Variants in MUC13 observed in about 807,000 individuals in gnomAD.
MUC13 encodes the protein mucin 13, cell surface associated, also known as mucin-13.
In MUC13, 32 loss-of-function variants were observed where a neutral mutation model predicts 48.3. That is an observed-to-expected ratio of 0.66 (90% CI 0.50 to 0.89). The LOEUF (loss-of-function observed/expected upper bound fraction) is 0.89, where lower values mean the gene tolerates loss of function less well. Among genes scored for constraint, MUC13 ranks in the 40% least tolerant of loss-of-function variants. The pLI, the probability that MUC13 is intolerant of heterozygous loss-of-function variation, is 0.00. For synonymous variants in MUC13, 199 were observed against 224.9 expected, an observed-to-expected ratio of 0.88 and a Z score of 1.03; for missense variants, 571 against 622.8, an observed-to-expected ratio of 0.92 and a Z score of 0.88.
chr3:124,908,879 C>A (rs1935369034), intron 10 of MUC13, among the ~76,000 whole-genome samples: 1 of 152,180 alleles, frequency 6.6e-6, no homozygotes. Context: ...CGAGGCTGGG[C>A]TTGGTGGCTC....
Position 124,934,726 on chromosome 3 carries a change from G to A in MUC13, c.-14C>T. On this transcript the variant is annotated 5_prime_UTR_variant, in exon 1 of 12. Transcript: ENST00000616727. ...GATGGCTTTCATTTTAGCTGTTCTT[G>A]CTTGGTAATCTGAGGAGGAAATGAT... The A allele has an allele frequency of 6.2e-7, 1 of 1,604,278 alleles. No individual in the cohort carries two copies. Among genetic ancestry groups the A allele is most frequent in the Non-Finnish European group, 8.5e-7 (1 of 1,171,424 alleles).
In MUC13 at chr3:124,905,577, AG is replaced by A. The variant is rs370051479; in HGVS notation, c.*1165del. On this transcript the variant is annotated 3_prime_UTR_variant, in exon 12 of 12. Transcript: ENST00000616727. Reference sequence around the variant, plus strand: ...AAAGGACACTAATAACATTTGTAAAAGCTTGTACTGGATGTGGTTGCCCCCA... The same window carrying A: ...AAAGGACACTAATAACATTTGTAAAACTTGTACTGGATGTGGTTGCCCCCA... The A allele has an allele frequency of 6.6e-3, 1,015 of 153,304 alleles. 20 individuals carry two copies. The highest frequency in any genetic ancestry group is 0.037 in the South Asian group (176 of 4,816). The allele number at this position is 153,304 out of a possible 1,614,324, so 9.5% of individuals were successfully genotyped here. A position where few individuals can be genotyped will look rare whatever the true frequency, so the allele number is the denominator to read the frequency against.
At chr3:124,908,727 C>T (rs1410166895) in intron 10 of MUC13, among the ~76,000 whole-genome samples, 1 of 152,206 alleles carries the variant, frequency 6.6e-6, no homozygotes, top group Non-Finnish European at 1.5e-5. Flanking sequence ...TCCAACATAA[C>T]AATCTAATTC....
rs993068001 is a variant in MUC13, at chr3:124,913,431, T to C, written c.1084+131A>G. The C allele has an allele frequency of 5.3e-6, 8 of 1,501,772 alleles. No homozygotes were observed. In the East Asian group the frequency reaches 6.9e-5, roughly 13 times the overall value. The allele number at this position is 1,501,772 out of a possible 1,614,324, so 93.0% of individuals were successfully genotyped here. A position where few individuals can be genotyped will look rare whatever the true frequency, so the allele number is the denominator to read the frequency against. ...GCAAAGGTCCCAGCCATGGTCCATATGTCTAAAGTCAGAAGTCAGATCACT... is the reference window on the plus strand; with the variant it reads ...GCAAAGGTCCCAGCCATGGTCCATACGTCTAAAGTCAGAAGTCAGATCACT... On this transcript the variant is annotated intron_variant, in intron 7 of 11. Transcript: ENST00000616727.
chr3:124,930,723 C>A (rs1411628818), intron 1 of MUC13, among the ~76,000 whole-genome samples: 1 of 152,190 alleles, frequency 6.6e-6, no homozygotes, highest in African/African-American at 2.4e-5. Flanking sequence ...CTGTCCAGGG[C>A]ACACCTATAA....
At chr3:124,910,372 C>CT in intron 10 of MUC13, 43 bp downstream of exon 10, 1 of 1,579,950 alleles carries the variant, frequency 6.3e-7, no homozygotes, top group Non-Finnish European at 8.6e-7. Context: ...CCCCATCTCT[C>CT]TATAAAAAAA....
chr3:124,913,180 T>C lies in MUC13; in HGVS notation c.1145A>G (p.Lys382Arg), dbSNP rs544699806. 4.8e-5 allele frequency: 78 copies of C among 1,614,156 alleles called. 1 individual carries two copies. In the South Asian group the frequency reaches 8.1e-4, roughly 17 times the overall value. ...NAQHKQCLIK[K>R]SGGAPECACV... ...CGCACACTCAGGGGCCCCACCACTC[T>C]TCTTTATTAAGCATTGCTTGTGCTG... Residue 382 changes from lysine to arginine, a missense_variant, in exon 8 of 12, where the codon AAG (lysine) becomes AGG (arginine). Coordinates refer to ENST00000616727, the MANE Select transcript of MUC13 (RefSeq NM_033049.4).
intron 7 of MUC13, 21 bp downstream of exon 7, chr3:124,913,541 A>G (rs774561582): frequency 6.2e-7 from 1 of 1,613,952 alleles, no homozygotes; most frequent in African/African-American, 1.3e-5. Flanking sequence ...AAGAACATTT[A>G]GAAGCAGGTG....
intron 2 of MUC13, among the ~76,000 whole-genome samples, chr3:124,926,306 T>A (rs1006811882): frequency 2.6e-5 from 4 of 152,132 alleles, no homozygotes; most frequent in Non-Finnish European, 1.5e-5. Context: ...AAGAGAGAAA[T>A]GACTTGCCCC....
chr3:124,913,035 A>G (rs754967919), intron 8 of MUC13, 76 bp downstream of exon 8: 21 of 1,566,864 alleles, frequency 1.3e-5, no homozygotes, highest in Non-Finnish European at 1.8e-5. Flanking sequence ...CTCAACACCT[A>G]TATACGTGTT....
At chr3:124,932,662 T>G (rs1560002722) in intron 1 of MUC13, among the ~76,000 whole-genome samples, 1 of 152,162 alleles carries the variant, frequency 6.6e-6, no homozygotes, top group Non-Finnish European at 1.5e-5. Context: ...TGCCAGGCAG[T>G]ATCCCGGCAC....
intron 1 of MUC13, among the ~76,000 whole-genome samples, chr3:124,932,560 C>T (rs541297590): frequency 6.0e-5 from 9 of 149,552 alleles, no homozygotes; most frequent in South Asian, 2.1e-4. Context: ...GAGTGAAACT[C>T]GGTCTCAAAA....
At chr3:124,926,588 T>C (rs1444237737) in intron 2 of MUC13, among the ~76,000 whole-genome samples, 1 of 152,098 alleles carries the variant, frequency 6.6e-6, no homozygotes, top group African/African-American at 2.4e-5. Context: ...AAGTTAAGGG[T>C]AGGGAGACAT....
chr3:124,924,850 G>A (rs188892806), intron 2 of MUC13, among the ~76,000 whole-genome samples: 3 of 152,278 alleles, frequency 2.0e-5, no homozygotes, highest in Admixed American at 1.3e-4. Flanking sequence ...GTGAGAATAT[G>A]GGGCAATGGG....
chr3:124,908,102 G>T (rs759491751), intron 11 of MUC13, 45 bp downstream of exon 11: 2 of 1,593,968 alleles, frequency 1.3e-6, no homozygotes, highest in South Asian at 1.1e-5. Flanking sequence ...GCTCTGCCCT[G>T]GTGCATTCAC....
chr3:124,912,862 G>C (rs1043559134), intron 8 of MUC13, among the ~76,000 whole-genome samples: 1 of 151,430 alleles, frequency 6.6e-6, no homozygotes, highest in African/African-American at 2.4e-5. Flanking sequence ...CTTGAACCTG[G>C]GGGGTGGAGG....
intron 2 of MUC13, 86 bp from the exon 3 acceptor site, chr3:124,923,735 C>T (rs1409065420): frequency 3.7e-6 from 5 of 1,362,468 alleles, no homozygotes; most frequent in Admixed American, 2.1e-5. Flanking sequence ...TTCATGCCTC[C>T]CCCCTGGGCC....
intron 2 of MUC13, among the ~76,000 whole-genome samples, chr3:124,926,306 T>G (rs1006811882): frequency 6.6e-6 from 1 of 152,132 alleles, no homozygotes; most frequent in African/African-American, 2.4e-5. Flanking sequence ...AAGAGAGAAA[T>G]GACTTGCCCC....
chr3:124,919,882 G>A (rs983802265), intron 5 of MUC13, among the ~76,000 whole-genome samples: 2 of 152,044 alleles, frequency 1.3e-5, no homozygotes, highest in African/African-American at 2.4e-5. Flanking sequence ...GTCTCCCCCC[G>A]GCCCACTGGA....
Sources: allele counts gnomAD v4.1 joint callset (sites outside exome capture counted in the v4.1 genomes callset), GRCh38; gene constraint gnomAD v4.1.1; transcripts MANE v1.5; gene names NCBI Gene and HGNC (gene_info 2026-07-23, HGNC 2026-07-21).